UBE3B: variants seen among roughly 807,000 people sequenced by gnomAD.
The protein encoded by UBE3B is ubiquitin protein ligase E3B.
UBE3B carries 80 observed loss-of-function variants against 132.3 expected under a neutral mutation model. The ratio of observed to expected loss-of-function variants is 0.60; its 90% confidence interval spans 0.50 to 0.73. UBE3B has a LOEUF of 0.73. Among genes scored for constraint, UBE3B ranks in the 30% least tolerant of loss-of-function variants. The probability of loss-of-function intolerance (pLI) is 0.00; values close to 1 mark genes in which losing one functional copy is unlikely to be tolerated. For missense variants in UBE3B, 1,196 were observed against 1,362.5 expected (o/e 0.88, Z 1.92); for synonymous variants, 487 against 520.4 (o/e 0.94, Z 0.87).
At chr12:109,488,481 T>A (rs1046048384) in intron 6 of UBE3B, 91 bp from the exon 7 acceptor site, 1 of 1,140,550 alleles carries the variant, frequency 8.8e-7, no homozygotes, top group African/African-American at 1.5e-5. Flanking sequence ...GATTCCAGGC[T>A]GAGTGCCCAT....
chr12:109,504,654 G>A (rs1194510547), intron 14 of UBE3B, among the ~76,000 whole-genome samples: 1 of 152,198 alleles, frequency 6.6e-6, no homozygotes, highest in African/African-American at 2.4e-5. Flanking sequence ...GGGATGGAGT[G>A]TAAAGCCATG....
intron 6 of UBE3B, among the ~76,000 whole-genome samples, chr12:109,488,232 T>C (rs367768757): frequency 2.6e-5 from 4 of 152,290 alleles, no homozygotes; most frequent in East Asian, 1.9e-4. Context: ...TCATGCTCAA[T>C]TGCATTTCTG....
intron 15 of UBE3B, 35 bp from the exon 16 acceptor site, chr12:109,509,561 G>A (rs752047709): frequency 1.8e-5 from 26 of 1,450,564 alleles, no homozygotes; most frequent in Non-Finnish European, 2.4e-5. Context: ...CCTTTTTTCA[G>A]TGTGGAATTG....
At chr12:109,504,132 A>G (rs1204105405) in intron 14 of UBE3B, among the ~76,000 whole-genome samples, 3 of 152,262 alleles carry the variant, frequency 2.0e-5, no homozygotes, top group African/African-American at 2.4e-5. Context: ...GGCCTGGGCT[A>G]CAGCAGGATT....
rs1388212145 is a variant in UBE3B at position 109,535,917 on chromosome 12, C to T, written c.*1135C>T. On this transcript the variant is annotated 3_prime_UTR_variant, in exon 28 of 28. Transcript: ENST00000342494. ...TAGCTCCAGGGAACTGAGGCAGAGG[C>T]CCTGTTTGTGGTCTGTGTTGACAGC... The T allele has an allele frequency of 6.6e-6, 1 of 152,268 alleles. No homozygotes were observed. Among genetic ancestry groups the T allele is most frequent in the Admixed American group, 6.5e-5 (1 of 15,286 alleles). 9.4% of individuals were successfully genotyped at this position (152,268 alleles called of 1,614,324 possible).
intron 19 of UBE3B, among the ~76,000 whole-genome samples, chr12:109,517,511 C>A (rs1881206532): frequency 6.6e-6 from 1 of 152,144 alleles, no homozygotes; most frequent in South Asian, 2.1e-4. Context: ...TGGTACAAGA[C>A]CGTGCCTCCA....
At chr12:109,538,932 T>A (rs1883547397), downstream of UBE3B, among the ~76,000 whole-genome samples, 6 of 152,320 alleles carry the variant, frequency 3.9e-5, no homozygotes, top group South Asian at 1.2e-3. This position sits in a 1 kb window ranked among gnomAD's most constrained non-coding sequence, Gnocchi z 4.1. Flanking sequence ...TCGCTTGGAC[T>A]GTGATTCAGA....
rs1344957917 is a variant in UBE3B, at chr12:109,511,244, G to T, written c.1897G>T (p.Asp633Tyr). ...PSVLFQELDR[D>Y]RKRAQLILQY... ...CGTGCTCTTCCAAGAACTCGACAGG[G>T]ACAGAAAACGGGCACAGTTGATCCT... Residue 633 changes from aspartate (D) to tyrosine (Y), a missense_variant, in exon 18 of 28, where the codon GAC becomes TAC. By Grantham distance (160) the Asp-to-Tyr change is radical (BLOSUM62 -3). Coordinates refer to ENST00000342494, the MANE Select transcript of UBE3B (RefSeq NM_130466.4). 1.2e-6 allele frequency: 2 copies of T among 1,614,128 alleles called. No homozygotes were observed.
At position 109,488,599 on chromosome 12, in the gene UBE3B, A is replaced by G. The variant is rs1165032738; in HGVS notation, c.475A>G (p.Ile159Val). The stretch of plus-strand genomic sequence containing the variant: ...TGAAATCCTGCAGGACTCCCGACTC[A>G]TCACCCTGTACCTCACGATGCTTGT... ...KPEILQDSRL[I>V]TLYLTMLVTF... The change falls in exon 7 of 28, where the codon ATC becomes GTC. Residue 159 changes from isoleucine to valine, a missense_variant. Transcript: ENST00000342494. The G allele has an allele frequency of 6.2e-7, 1 of 1,614,132 alleles. No homozygotes were observed. Among genetic ancestry groups the G allele is most frequent in the Non-Finnish European group, 8.5e-7 (1 of 1,179,978 alleles).
chr12:109,499,538 G>T, intron 11 of UBE3B, 95 bp from the exon 12 acceptor site: 1 of 1,248,202 alleles, frequency 8.0e-7, no homozygotes. Flanking sequence ...TGCTGCACAT[G>T]GGATGTGGCC....
chr12:109,497,773 T>C (rs749455719), intron 9 of UBE3B, 45 bp from the exon 10 acceptor site: 24 of 1,588,658 alleles, frequency 1.5e-5, no homozygotes, highest in Non-Finnish European at 2.1e-5. Flanking sequence ...TTGTTCTGGA[T>C]GCACACGGAG....
intron 23 of UBE3B, among the ~76,000 whole-genome samples, chr12:109,525,578 A>C (rs1352669254): frequency 6.6e-6 from 1 of 152,172 alleles, no homozygotes; most frequent in Admixed American, 6.5e-5. Flanking sequence ...TTTCTATTAA[A>C]ATTGGCTTCA....
intron 22 of UBE3B, 95 bp downstream of exon 22, chr12:109,524,210 C>T: frequency 1.3e-6 from 2 of 1,541,598 alleles, no homozygotes; most frequent in South Asian, 2.4e-5. Context: ...TCTCTTATTG[C>T]TGTTGCTGTA....
At chr12:109,509,549 C>A in intron 15 of UBE3B, 47 bp from the exon 16 acceptor site, 1 of 1,331,734 alleles carries the variant, frequency 7.5e-7, no homozygotes, top group Non-Finnish European at 1.0e-6. Flanking sequence ...TTTTTCTCTT[C>A]GCCTTTTTTC....
At chr12:109,530,770 A>G in intron 26 of UBE3B, 112 bp downstream of exon 26, 1 of 1,039,546 alleles carries the variant, frequency 9.6e-7, no homozygotes. Context: ...GACCTCAGAT[A>G]GTCAGCACAT....
At chr12:109,493,887 A>G (rs978924935) in intron 9 of UBE3B, among the ~76,000 whole-genome samples, 5 of 152,224 alleles carry the variant, frequency 3.3e-5, no homozygotes, top group African/African-American at 1.2e-4. Flanking sequence ...GTGCAGTGGC[A>G]TGATCAGAGC....
rs1161412660 is a variant in UBE3B, at chr12:109,534,726, C to T, written c.3151C>T (p.Leu1051Phe). ...KLPNYSKKSV[L>F]REKLRYAISM... ...GCCCAACTACAGCAAGAAGAGCGTCCTCCGCGAGAAGCTGCGCTACGCCAT... is the reference window on the plus strand; with the variant it reads ...GCCCAACTACAGCAAGAAGAGCGTCTTCCGCGAGAAGCTGCGCTACGCCAT... The change falls in exon 28 of 28, where the codon CTC becomes TTC. Residue 1051 changes from leucine to phenylalanine, a missense_variant. Transcript: ENST00000342494. This position sits in a 1 kb window ranked among gnomAD's most constrained non-coding sequence, Gnocchi z 5.2. 1.2e-6 allele frequency: 2 copies of T among 1,603,858 alleles called. No individual in the cohort carries two copies. Among genetic ancestry groups the T allele is most frequent in the Non-Finnish European group, 1.7e-6 (2 of 1,175,036 alleles).
intron 26 of UBE3B, among the ~76,000 whole-genome samples, chr12:109,532,706 G>A (rs941621233): frequency 4.6e-5 from 7 of 152,204 alleles, no homozygotes; most frequent in African/African-American, 9.6e-5. Flanking sequence ...CTTGGAGAAC[G>A]CCGGGAGTTC....
intron 7 of UBE3B, among the ~76,000 whole-genome samples, chr12:109,489,399 G>A (rs991437678): frequency 6.6e-6 from 1 of 152,172 alleles, no homozygotes; most frequent in Non-Finnish European, 1.5e-5. Flanking sequence ...GCTGAGAGCT[G>A]CAGAGGGAGC....
Sources: allele counts gnomAD v4.1 joint callset (sites outside exome capture counted in the v4.1 genomes callset), GRCh38; gene constraint gnomAD v4.1.1; non-coding constraint Gnocchi (gnomAD v3.1); transcripts MANE v1.5; gene names NCBI Gene and HGNC (gene_info 2026-07-23, HGNC 2026-07-21).